SGCD: variants seen among roughly 807,000 people sequenced by gnomAD.
The protein encoded by SGCD is sarcoglycan delta, also known as delta-sarcoglycan.
Under a neutral mutation model 36.6 loss-of-function variants are expected in SGCD, and 18 were observed. The ratio of observed to expected loss-of-function variants is 0.49; its 90% CI spans 0.34 to 0.73. The LOEUF is 0.73. Among genes scored for constraint, SGCD ranks in the 30% least tolerant of loss-of-function variants. The pLI is 0.01. For missense variants in SGCD, 387 were observed against 346.7 expected (o/e 1.12, Z -0.92); for synonymous variants, 133 against 130.6 (o/e 1.02, Z -0.12).
rs190555844 is a variant in SGCD, at chr5:156,075,379, A to G, written c.-281-42499A>G. 4.2e-3 allele frequency among the ~76,000 whole-genome samples: 643 copies of G among 151,968 alleles called. 12 individuals are homozygous for G. The highest frequency in any genetic ancestry group is 6.1e-3 in the Non-Finnish European group (418 of 68,018). On this transcript the variant is annotated intron_variant, in intron 1 of 9. Coordinates refer to the SGCD transcript ENST00000517913. The stretch of plus-strand genomic sequence containing the variant: ...AGAAAAAACTACAAACATTTGACAT[A>G]TAAAAAATAAAAAAATCATACTACA...
At chr5:156,611,205 C>T (rs936006832) in intron 6 of SGCD, among the ~76,000 whole-genome samples, 1 of 152,208 alleles carries the variant, frequency 6.6e-6, no homozygotes, top group East Asian at 1.9e-4. Context: ...TATGAATTTA[C>T]TTCTACAGTG....
intron 3 of SGCD, among the ~76,000 whole-genome samples, chr5:156,183,679 T>C (rs1249020533): frequency 2.0e-5 from 3 of 152,168 alleles, no homozygotes. Context: ...ACTGCTGAGA[T>C]TACAGGCGTG....
chr5:156,283,733 C>T (rs1289746795), intron 3 of SGCD, among the ~76,000 whole-genome samples: 2 of 152,162 alleles, frequency 1.3e-5, no homozygotes, highest in African/African-American at 4.8e-5. Context: ...TCCTAGAGTT[C>T]TGACTCAGTA....
chr5:156,154,824 T>G (rs189365371), intron 3 of SGCD, among the ~76,000 whole-genome samples: 31 of 151,726 alleles, frequency 2.0e-4, no homozygotes, highest in South Asian at 4.1e-4. Context: ...CATTTTTTTC[T>G]ACTTTAAAGG....
chr5:156,579,923 A>AC, intron 4 of SGCD, among the ~76,000 whole-genome samples: 1 of 152,164 alleles, frequency 6.6e-6, no homozygotes, highest in Admixed American at 6.5e-5. Context: ...ATTTAAGGTT[A>AC]ATATTGTTAT....
the SGCD span, among the ~76,000 whole-genome samples, chr5:155,848,899 G>A: frequency 6.8e-4 from 103 of 152,146 alleles, 1 homozygote; most frequent in South Asian, 4.4e-3. Context: ...AAATATATTC[G>A]GTAAATAATG....
chr5:156,486,819 C>T (rs370531325), intron 3 of SGCD, among the ~76,000 whole-genome samples: 1 of 152,122 alleles, frequency 6.6e-6, no homozygotes, highest in Non-Finnish European at 1.5e-5. Flanking sequence ...AGACACCCAC[C>T]CACATGTGCC....
At chr5:156,156,539 G>A (rs1173236228) in intron 3 of SGCD, among the ~76,000 whole-genome samples, 2 of 151,478 alleles carry the variant, frequency 1.3e-5, no homozygotes. Context: ...CAGGAGAATC[G>A]CTTGAGCTAG....
intron 3 of SGCD, among the ~76,000 whole-genome samples, chr5:156,297,892 T>C (rs1308139329): frequency 6.6e-6 from 1 of 152,094 alleles, no homozygotes; most frequent in Non-Finnish European, 1.5e-5. Context: ...TCTAACTATA[T>C]TTTTGTACTC....
chr5:156,634,975 A>C (rs934534083), intron 6 of SGCD, among the ~76,000 whole-genome samples: 1 of 152,110 alleles, frequency 6.6e-6, no homozygotes, highest in Non-Finnish European at 1.5e-5. Context: ...TGTAATCCCA[A>C]TGCTTTGACG....
chr5:156,015,225 A>G (rs1464675470), intron 1 of SGCD, among the ~76,000 whole-genome samples: 2 of 152,170 alleles, frequency 1.3e-5, no homozygotes, highest in African/African-American at 2.4e-5. Flanking sequence ...CTTTCTTATT[A>G]ATATATCCAT....
chr5:156,258,193 G>C (rs887594721), intron 3 of SGCD, among the ~76,000 whole-genome samples: 7 of 152,080 alleles, frequency 4.6e-5, no homozygotes, highest in Non-Finnish European at 8.8e-5. Context: ...CATATGTATT[G>C]GCCACCAAGA....
chr5:156,382,846 A>T (rs893228702), intron 3 of SGCD, among the ~76,000 whole-genome samples: 11 of 152,172 alleles, frequency 7.2e-5, no homozygotes, highest in African/African-American at 2.4e-4. Context: ...CAGTTATTAG[A>T]TTTTAAACTG....
chr5:156,311,229 A>G (rs540306945), intron 3 of SGCD, among the ~76,000 whole-genome samples: 12 of 152,096 alleles, frequency 7.9e-5, no homozygotes, highest in Non-Finnish European at 1.3e-4. Flanking sequence ...TTGAGACTAG[A>G]TTCCCTGCTG....
intron 1 of SGCD, among the ~76,000 whole-genome samples, chr5:156,026,186 T>A (rs933393335): frequency 2.0e-5 from 3 of 152,204 alleles, no homozygotes; most frequent in Non-Finnish European, 4.4e-5. Context: ...ATACTTGTTG[T>A]TAGATTGACA....
intron 1 of SGCD, among the ~76,000 whole-genome samples, chr5:156,000,773 C>G (rs1177547007): frequency 1.3e-5 from 2 of 151,196 alleles, no homozygotes; most frequent in African/African-American, 4.9e-5. Flanking sequence ...AGGGCTTATT[C>G]AAACACATAT....
intron 1 of SGCD, among the ~76,000 whole-genome samples, chr5:156,014,083 A>G (rs1408434258): frequency 1.3e-5 from 2 of 152,126 alleles, no homozygotes; most frequent in Admixed American, 6.6e-5. Context: ...TCTAGCTTTA[A>G]CATACATAAT....
At chr5:156,149,010 A>G (rs1762772731) in intron 3 of SGCD, among the ~76,000 whole-genome samples, 1 of 152,180 alleles carries the variant, frequency 6.6e-6, no homozygotes, top group Admixed American at 6.5e-5. Context: ...TTCATATTCC[A>G]GCCCTTGTAC....
chr5:156,728,729 C>A (rs748899430), intron 7 of SGCD, among the ~76,000 whole-genome samples: 14 of 151,976 alleles, frequency 9.2e-5, no homozygotes, highest in Non-Finnish European at 1.5e-4. Flanking sequence ...CTTCACCGTG[C>A]ACAATGGTCT....
Sources: gnomAD v4.1 joint callset for allele counts (sites outside exome capture counted in the v4.1 genomes callset) on GRCh38, gnomAD v4.1.1 for gene constraint, MANE v1.5 for transcripts, NCBI Gene and HGNC (gene_info 2026-07-23, HGNC 2026-07-21) for gene names.